The following CACNG2 variants were observed in gnomAD, a reference collection of about 807,000 sequenced individuals.
CACNG2 encodes voltage-dependent calcium channel gamma-2 subunit.
CACNG2 carries 3 observed loss-of-function variants against 25.9 expected under a neutral mutation model. The observed-to-expected ratio is 0.12, with a 90% CI of 0.05 to 0.30. The LOEUF (loss-of-function observed/expected upper bound fraction) is 0.30, where lower values mean the gene tolerates loss of function less well. Among genes scored for constraint, CACNG2 ranks in the 10% least tolerant of loss-of-function variants. CACNG2 has a pLI of 1.00. For synonymous variants in CACNG2, 167 were observed against 173.3 expected (o/e 0.96, Z 0.29); for missense variants, 341 against 432.5 (o/e 0.79, Z 1.88).
chr22:36,674,646 A>G (rs1019587710), intron 1 of CACNG2, among the ~76,000 whole-genome samples: 5 of 152,068 alleles, frequency 3.3e-5, no homozygotes, highest in Non-Finnish European at 7.4e-5. Flanking sequence ...GTTGATAAGG[A>G]CTCTTTTAAT....
chr22:36,679,497 A>C (rs1274083732), intron 1 of CACNG2, among the ~76,000 whole-genome samples: 1 of 152,190 alleles, frequency 6.6e-6, no homozygotes, highest in Non-Finnish European at 1.5e-5. Context: ...TTATTTATCC[A>C]CTAGGAACCA....
At chr22:36,620,863 C>T (rs1936094712) in intron 1 of CACNG2, among the ~76,000 whole-genome samples, 1 of 152,244 alleles carries the variant, frequency 6.6e-6, no homozygotes, top group Non-Finnish European at 1.5e-5. Flanking sequence ...CTATTCCAAT[C>T]CTTATCCTTC....
intron 1 of CACNG2, among the ~76,000 whole-genome samples, chr22:36,675,558 G>C (rs1937009286): frequency 6.6e-6 from 1 of 152,180 alleles, no homozygotes; most frequent in Admixed American, 6.5e-5. Context: ...TATGGGTAAC[G>C]ATCCTGGGAA....
At chr22:36,578,753 C>T (rs1009143275) in intron 2 of CACNG2, among the ~76,000 whole-genome samples, 1 of 152,152 alleles carries the variant, frequency 6.6e-6, no homozygotes, top group Non-Finnish European at 1.5e-5. Context: ...AGAGGGTGAA[C>T]ATGCCAGCTG....
intron 1 of CACNG2, among the ~76,000 whole-genome samples, chr22:36,600,044 T>G (rs1287432919): frequency 6.6e-6 from 1 of 152,144 alleles, no homozygotes; most frequent in Non-Finnish European, 1.5e-5. Context: ...CCCTTCTCAG[T>G]CCTTTCCTCT....
chr22:36,645,305 A>T (rs1936501856), intron 1 of CACNG2, among the ~76,000 whole-genome samples: 2 of 152,140 alleles, frequency 1.3e-5, no homozygotes, highest in South Asian at 2.1e-4. Flanking sequence ...TGGGAGGCTG[A>T]GACGGGCGGA....
intron 1 of CACNG2, among the ~76,000 whole-genome samples, chr22:36,656,762 G>T (rs1015461866): frequency 5.3e-5 from 8 of 152,178 alleles, no homozygotes; most frequent in African/African-American, 1.7e-4. Context: ...CTTTGCCCCA[G>T]ACATGAGCAT....
chr22:36,625,606 C>A (rs987742232), intron 1 of CACNG2, among the ~76,000 whole-genome samples: 8 of 152,114 alleles, frequency 5.3e-5, no homozygotes, highest in African/African-American at 1.7e-4. Flanking sequence ...AGATCATCAC[C>A]GATGATAGCA....
In CACNG2 at chr22:36,564,171, G is replaced by T. The variant is rs1408479016; in HGVS notation, c.*180C>A. On this transcript the variant is annotated 3_prime_UTR_variant, in exon 4 of 4. Transcript: ENST00000300105. The surrounding 1 kb of genome is among the most constrained non-coding windows in gnomAD (Gnocchi z 6.7). ...TTGTTCTTTTTTTTAAAATTTACTT[G>T]TTATGTTTTTTCTCTTTTTTTGTGT... 20 of 489,816 alleles carry T rather than the reference G, an allele frequency of 4.1e-5. No individual in the cohort carries two copies. The highest frequency in any genetic ancestry group is 5.6e-5 in the Non-Finnish European group (16 of 286,914). 30.3% of individuals were successfully genotyped at this position (489,816 alleles called of 1,614,324 possible). A position where few individuals can be genotyped will look rare whatever the true frequency, so the allele number is the denominator to read the frequency against.
chr22:36,691,497 C>T (rs1937267767), intron 1 of CACNG2, among the ~76,000 whole-genome samples: 1 of 152,200 alleles, frequency 6.6e-6, no homozygotes, highest in African/African-American at 2.4e-5. Context: ...GGAGTACAAA[C>T]AGCATTTCTG....
intron 1 of CACNG2, among the ~76,000 whole-genome samples, chr22:36,680,252 T>A (rs62637220): frequency 1.8e-5 from 2 of 113,076 alleles, no homozygotes; most frequent in African/African-American, 7.4e-5. Flanking sequence ...ACCATCACCA[T>A]CATCAACACC....
At chr22:36,664,296 A>G (rs1936842803) in intron 1 of CACNG2, among the ~76,000 whole-genome samples, 1 of 152,190 alleles carries the variant, frequency 6.6e-6, no homozygotes, top group African/African-American at 2.4e-5. Flanking sequence ...TCTTCCATTC[A>G]TCTCTCTGCC....
chr22:36,632,785 T>A (rs1936295596), intron 1 of CACNG2, among the ~76,000 whole-genome samples: 1 of 152,096 alleles, frequency 6.6e-6, no homozygotes, highest in Admixed American at 6.6e-5. Flanking sequence ...TCTAGACCCC[T>A]AACTGGTGGA....
intron 1 of CACNG2, among the ~76,000 whole-genome samples, chr22:36,635,614 A>G (rs1936345303): frequency 6.6e-6 from 1 of 152,084 alleles, no homozygotes; most frequent in African/African-American, 2.4e-5. Context: ...CCACCCTCAT[A>G]TCAGTGACTC....
At chr22:36,583,314 T>G (rs1277002785) in intron 2 of CACNG2, among the ~76,000 whole-genome samples, 1 of 151,654 alleles carries the variant, frequency 6.6e-6, no homozygotes, top group Non-Finnish European at 1.5e-5. Flanking sequence ...GTGCCTGTAA[T>G]CCCAGCTACT....
intron 2 of CACNG2, among the ~76,000 whole-genome samples, chr22:36,575,705 C>T (rs139243871): frequency 1.2e-3 from 190 of 152,308 alleles, no homozygotes; most frequent in African/African-American, 4.4e-3. Flanking sequence ...GGTCCCGTGC[C>T]CATCAAGACC....
At chr22:36,679,987 A>G (rs1319441504) in intron 1 of CACNG2, among the ~76,000 whole-genome samples, 6 of 151,854 alleles carry the variant, frequency 4.0e-5, no homozygotes, top group Admixed American at 3.9e-4. Flanking sequence ...CATCACCATC[A>G]CCACCACCTT....
chr22:36,593,646 C>T (rs369791106), intron 1 of CACNG2, among the ~76,000 whole-genome samples: 2 of 151,904 alleles, frequency 1.3e-5, no homozygotes, highest in Admixed American at 6.6e-5. Context: ...TTTAGGAGGG[C>T]GGGGGAGTTA....
At chr22:36,674,548 C>T (rs144976298) in intron 1 of CACNG2, among the ~76,000 whole-genome samples, 453 of 152,220 alleles carry the variant, frequency 3.0e-3, no homozygotes, top group Non-Finnish European at 5.6e-3. Context: ...AGGCTGGTCT[C>T]GAACTCCTGA....
Sources: gnomAD v4.1 joint callset for allele counts (sites outside exome capture counted in the v4.1 genomes callset) on GRCh38, gnomAD v4.1.1 for gene constraint, Gnocchi (gnomAD v3.1) non-coding constraint, MANE v1.5 for transcripts, NCBI Gene and HGNC (gene_info 2026-07-23, HGNC 2026-07-21) for gene names.